The following RARB variants were observed in gnomAD, a reference collection of about 807,000 sequenced individuals.
RARB encodes retinoic acid receptor beta.
RARB carries 17 observed loss-of-function variants against 51.9 expected under a neutral mutation model. The observed-to-expected ratio is 0.33, with a 90% CI of 0.22 to 0.49. RARB has a LOEUF of 0.49. Ranked by LOEUF, RARB falls within the 20% of genes least tolerant of loss-of-function variation. The pLI is 0.99. For missense variants in RARB, 369 were observed against 550.8 expected, an observed-to-expected ratio of 0.67 and a Z score of 3.30; for synonymous variants, 215 against 195.4, an observed-to-expected ratio of 1.10 and a Z score of -0.84.
At chr3:25,292,722 A>G (rs1703819294) in intron 5 of RARB, among the ~76,000 whole-genome samples, 1 of 152,170 alleles carries the variant, frequency 6.6e-6, no homozygotes, top group Non-Finnish European at 1.5e-5. Context: ...TGATATGGTC[A>G]GCTGTCCCCA....
intron 5 of RARB, among the ~76,000 whole-genome samples, chr3:25,386,031 T>C (rs1012982512): frequency 1.3e-5 from 2 of 152,204 alleles, no homozygotes; most frequent in African/African-American, 4.8e-5. Flanking sequence ...ATTTCCTCTT[T>C]AGCTTAAGCT....
At chr3:25,172,782 C>T (rs1436253) in intron 4 of RARB, among the ~76,000 whole-genome samples, 2,444 of 152,180 alleles carry the variant, frequency 0.016, 59 homozygotes, top group African/African-American at 0.051. Context: ...TCTTACCAAG[C>T]GTTTACTATT....
chr3:24,939,135 A>C (rs1205675679), intron 2 of RARB, among the ~76,000 whole-genome samples: 1 of 152,088 alleles, frequency 6.6e-6, no homozygotes, highest in African/African-American at 2.4e-5. Flanking sequence ...GGCGTGCACC[A>C]CGATATCTGG....
intron 2 of RARB, among the ~76,000 whole-genome samples, chr3:25,478,009 T>C (rs937115680): frequency 4.6e-5 from 7 of 152,322 alleles, no homozygotes; most frequent in African/African-American, 1.7e-4. Flanking sequence ...GGAGCATCAA[T>C]ACAAGCAGCT....
In RARB at chr3:25,500,754, C is replaced by T. The variant is rs139681803; in HGVS notation, c.307-428C>T. On this transcript the variant is annotated intron_variant, in intron 2 of 7. Coordinates refer to ENST00000330688, the MANE Select transcript of RARB (RefSeq NM_000965.5). ...TCAGCCTCCCAAAGTGCTGGGATTA[C>T]AGGAGTGAGCCACTGCACCCAGCCA... 1.6e-4 allele frequency among the ~76,000 whole-genome samples: 25 copies of T among 152,244 alleles called. No homozygotes were observed. In the East Asian group the frequency reaches 4.6e-3, roughly 28 times the overall value.
At chr3:25,529,921 T>C (rs1698823724) in intron 3 of RARB, among the ~76,000 whole-genome samples, 1 of 152,228 alleles carries the variant, frequency 6.6e-6, no homozygotes, top group African/African-American at 2.4e-5. Context: ...AACCCCTCAG[T>C]GGCTCGCTAT....
chr3:25,083,660 T>C (rs1699052890), intron 3 of RARB, among the ~76,000 whole-genome samples: 1 of 152,190 alleles, frequency 6.6e-6, no homozygotes. Context: ...TTTCTCATGA[T>C]TATTTTTTCA....
intron 5 of RARB, among the ~76,000 whole-genome samples, chr3:25,189,094 A>G (rs970997097): frequency 1.3e-5 from 2 of 152,170 alleles, no homozygotes; most frequent in African/African-American, 4.8e-5. Context: ...TGACTGTACC[A>G]TGAACCACAT....
intron 4 of RARB, among the ~76,000 whole-genome samples, chr3:25,138,030 C>A (rs762549695): frequency 3.3e-5 from 5 of 152,054 alleles, no homozygotes; most frequent in Non-Finnish European, 7.4e-5. Context: ...CATGGTCAGG[C>A]AACTGAAGAG....
intron 3 of RARB, among the ~76,000 whole-genome samples, chr3:25,093,996 A>G (rs1195794988): frequency 6.6e-6 from 1 of 152,190 alleles, no homozygotes; most frequent in Non-Finnish European, 1.5e-5. Context: ...TGTACTCCCA[A>G]GTTCAGACTA....
At chr3:24,957,840 T>C (rs1696050287) in intron 2 of RARB, among the ~76,000 whole-genome samples, 6 of 152,154 alleles carry the variant, frequency 3.9e-5, no homozygotes, top group Admixed American at 3.3e-4. Context: ...TGATCATATC[T>C]CCAGTATAAT....
chr3:25,046,418 A>G (rs1421691696), intron 2 of RARB, among the ~76,000 whole-genome samples: 1 of 152,168 alleles, frequency 6.6e-6, no homozygotes, highest in Non-Finnish European at 1.5e-5. Flanking sequence ...CTTTAAGACA[A>G]GATATCCTAG....
At chr3:25,210,281 C>G (rs946947597) in intron 5 of RARB, among the ~76,000 whole-genome samples, 3 of 152,112 alleles carry the variant, frequency 2.0e-5, no homozygotes, top group African/African-American at 7.2e-5. Flanking sequence ...CCAATACACC[C>G]TGTGCAGCAC....
chr3:25,514,312 T>G (rs1372592636), intron 3 of RARB, among the ~76,000 whole-genome samples: 2 of 152,330 alleles, frequency 1.3e-5, no homozygotes, highest in African/African-American at 4.8e-5. Flanking sequence ...TCTTTCATCC[T>G]TCTCCCTTTA....
chr3:25,482,804 G>T (rs1292531687), intron 2 of RARB, among the ~76,000 whole-genome samples: 1 of 151,956 alleles, frequency 6.6e-6, no homozygotes, highest in African/African-American at 2.4e-5. Context: ...CTCCCAAAGT[G>T]CTGGGATTAC....
At chr3:24,980,996 G>C (rs551919087) in intron 2 of RARB, among the ~76,000 whole-genome samples, 5 of 150,320 alleles carry the variant, frequency 3.3e-5, no homozygotes, top group African/African-American at 1.2e-4. Context: ...CTTTCGTTTT[G>C]TTAGTTTTCC....
chr3:25,261,292 A>T (rs1702990949), intron 5 of RARB, among the ~76,000 whole-genome samples: 1 of 151,912 alleles, frequency 6.6e-6, no homozygotes, highest in Non-Finnish European at 1.5e-5. Context: ...ATTTGACCCT[A>T]TTTATCCTTC....
chr3:25,192,605 C>A (rs923120855), intron 5 of RARB, among the ~76,000 whole-genome samples: 1 of 152,038 alleles, frequency 6.6e-6, no homozygotes, highest in Non-Finnish European at 1.5e-5. Context: ...CCCTAGCAGG[C>A]ATTTGGAATT....
At chr3:25,155,766 A>G (rs996659385) in intron 4 of RARB, among the ~76,000 whole-genome samples, 2 of 152,180 alleles carry the variant, frequency 1.3e-5, no homozygotes, top group Non-Finnish European at 2.9e-5. Context: ...ACAAGGCCAT[A>G]CACCTGTGTG....
Sources: gnomAD v4.1 joint callset for allele counts (sites outside exome capture counted in the v4.1 genomes callset) on GRCh38, gnomAD v4.1.1 for gene constraint, MANE v1.5 for transcripts, NCBI Gene and HGNC (gene_info 2026-07-23, HGNC 2026-07-21) for gene names.